Variants in BMP6 observed in about 807,000 individuals in gnomAD.
The protein encoded by BMP6 is bone morphogenetic protein 6, also known as VG-1-R.
In BMP6, 17 loss-of-function variants were observed where a neutral mutation model predicts 54.1. The observed-to-expected ratio is 0.31, with a 90% CI of 0.22 to 0.47. The LOEUF (loss-of-function observed/expected upper bound fraction) is 0.47. Among genes scored for constraint, BMP6 ranks in the 20% least tolerant of loss-of-function variants. The pLI, the probability that BMP6 is intolerant of heterozygous loss-of-function variation, is 1.00. For synonymous variants in BMP6, 328 were observed against 291.2 expected (o/e 1.13, Z -1.28); for missense variants, 720 against 690.4 (o/e 1.04, Z -0.48).
chr6:7,866,046 AT>A (rs1431047138), intron 4 of BMP6, among the ~76,000 whole-genome samples: 4 of 152,200 alleles, frequency 2.6e-5, no homozygotes, highest in African/African-American at 9.7e-5. Context: ...CTACTCAAAC[AT>A]TTGTACTTGG....
intron 1 of BMP6, among the ~76,000 whole-genome samples, chr6:7,732,985 G>A (rs764235654): frequency 4.0e-5 from 6 of 151,060 alleles, no homozygotes; most frequent in African/African-American, 2.4e-5. Context: ...CAACCTCTCC[G>A]TCTCCTGGGT....
chr6:7,864,294 A>AT (rs1759383539), intron 4 of BMP6, among the ~76,000 whole-genome samples: 1 of 152,188 alleles, frequency 6.6e-6, no homozygotes, highest in African/African-American at 2.4e-5. Context: ...CTACCCTGTG[A>AT]TTTTGGACAC....
intron 4 of BMP6, among the ~76,000 whole-genome samples, chr6:7,866,274 C>T (rs930362355): frequency 2.6e-5 from 4 of 152,210 alleles, no homozygotes; most frequent in South Asian, 4.1e-4. Context: ...TGGTCCTAGC[C>T]GTCTTTGCCC....
At chr6:7,861,259 C>T (rs1759329367) in intron 2 of BMP6, among the ~76,000 whole-genome samples, 192 bp from the exon 3 acceptor site, 1 of 152,118 alleles carries the variant, frequency 6.6e-6, no homozygotes, top group Admixed American at 6.5e-5. Flanking sequence ...GTGCCTGTCT[C>T]TCCTAATTGT....
intron 2 of BMP6, among the ~76,000 whole-genome samples, chr6:7,847,007 T>TA (rs1048810018): frequency 1.3e-5 from 2 of 152,162 alleles, no homozygotes; most frequent in Non-Finnish European, 2.9e-5. Context: ...GACTGGCATT[T>TA]AAAAAAATTG....
At chr6:7,793,470 A>C (rs1349165464) in intron 1 of BMP6, among the ~76,000 whole-genome samples, 1 of 152,094 alleles carries the variant, frequency 6.6e-6, no homozygotes, top group Non-Finnish European at 1.5e-5. Flanking sequence ...CGGTTGCCCA[A>C]ACCCATAGAC....
At chr6:7,844,744 C>T (rs1162387946) in intron 1 of BMP6, among the ~76,000 whole-genome samples, 2 of 152,062 alleles carry the variant, frequency 1.3e-5, no homozygotes, top group Non-Finnish European at 2.9e-5. Flanking sequence ...GAGGACATAA[C>T]GGGGCCAGGA....
chr6:7,736,643 A>T (rs1761959672), intron 1 of BMP6, among the ~76,000 whole-genome samples: 1 of 152,240 alleles, frequency 6.6e-6, no homozygotes, highest in South Asian at 2.1e-4. Flanking sequence ...ACACAGGTTA[A>T]TGGTAAATAA....
intron 1 of BMP6, among the ~76,000 whole-genome samples, chr6:7,796,648 T>A (rs752740658): frequency 6.6e-6 from 1 of 152,168 alleles, no homozygotes; most frequent in Non-Finnish European, 1.5e-5. Context: ...AGTGAAGAAG[T>A]TTCTATTTTG....
chr6:7,870,793 A>G (rs1759512017), intron 4 of BMP6, among the ~76,000 whole-genome samples: 1 of 151,930 alleles, frequency 6.6e-6, no homozygotes, highest in South Asian at 2.1e-4. Context: ...ATGCCCCTCT[A>G]ATTTTTTGTA....
chr6:7,876,098 C>T (rs975234528), intron 4 of BMP6, among the ~76,000 whole-genome samples: 1 of 152,172 alleles, frequency 6.6e-6, no homozygotes, highest in Non-Finnish European at 1.5e-5. Context: ...TAGGCATTCC[C>T]CCACATGCGA....
chr6:7,796,781 C>CT (rs1003793478), intron 1 of BMP6, among the ~76,000 whole-genome samples: 2 of 152,152 alleles, frequency 1.3e-5, no homozygotes, highest in African/African-American at 2.4e-5. Flanking sequence ...ATTAAAGTGA[C>CT]TTTTTTTAAA....
chr6:7,781,981 C>T (rs1205708415), intron 1 of BMP6, among the ~76,000 whole-genome samples: 1 of 151,426 alleles, frequency 6.6e-6, no homozygotes, highest in Non-Finnish European at 1.5e-5. Context: ...CTTGATCACA[C>T]TTGGAAGGGA....
At position 7,862,482 on chromosome 6, in the gene BMP6, G is replaced by C. The variant is rs201606023; in HGVS notation, c.1188G>C (p.Arg396=). The C allele has an allele frequency of 6.2e-7, 1 of 1,614,002 alleles. No individual in the cohort carries two copies. Among genetic ancestry groups the C allele is most frequent in the Non-Finnish European group, 8.5e-7 (1 of 1,179,998 alleles). ...CTACCCAGTCCCAGGACGTGGCGCG[G>C]GTCTCCAGTGCTTCAGGTGGGTTTG... ...NRSTQSQDVA[R]VSSASDYNSS... is the part of the protein sequence containing the mutation. The change falls in exon 4 of 7, where the codon CGG becomes CGC. Residue 396 remains arginine, a synonymous_variant. Coordinates refer to ENST00000283147, the MANE Select transcript of BMP6 (RefSeq NM_001718.6).
intron 4 of BMP6, among the ~76,000 whole-genome samples, chr6:7,875,470 G>C (rs1287952630): frequency 2.0e-5 from 3 of 152,110 alleles, no homozygotes; most frequent in Non-Finnish European, 4.4e-5. Context: ...TTGAGGCTAG[G>C]AGTTCAAGAC....
chr6:7,758,438 A>C (rs1466966115), intron 1 of BMP6, among the ~76,000 whole-genome samples: 1 of 152,206 alleles, frequency 6.6e-6, no homozygotes, highest in Non-Finnish European at 1.5e-5. Flanking sequence ...CAAGACAAAG[A>C]AATCCATCTG....
chr6:7,781,298 C>T (rs1264583134), intron 1 of BMP6, among the ~76,000 whole-genome samples: 1 of 152,210 alleles, frequency 6.6e-6, no homozygotes, highest in East Asian at 1.9e-4. Flanking sequence ...CTAAAGTTCA[C>T]ATGGCCAGTA....
intron 1 of BMP6, among the ~76,000 whole-genome samples, chr6:7,807,489 C>T (rs756652203): frequency 3.9e-5 from 6 of 152,090 alleles, no homozygotes; most frequent in Non-Finnish European, 8.8e-5. Flanking sequence ...CCATGTTGGC[C>T]AGACTGGTCT....
intron 2 of BMP6, among the ~76,000 whole-genome samples, chr6:7,855,553 C>CTTTTTT (rs778898901): frequency 5.7e-5 from 6 of 105,040 alleles, no homozygotes; most frequent in African/African-American, 1.5e-4. Flanking sequence ...CTCTCTCTCT[C>CTTTTTT]TTTTTTTTTT....
Sources: allele counts gnomAD v4.1 joint callset (sites outside exome capture counted in the v4.1 genomes callset), GRCh38; gene constraint gnomAD v4.1.1; transcripts MANE v1.5; gene names NCBI Gene and HGNC (gene_info 2026-07-23, HGNC 2026-07-21).